ARHGAP8: variants seen among roughly 807,000 people sequenced by gnomAD.
The protein encoded by ARHGAP8 is Rho GTPase activating protein 8.
ARHGAP8 carries 62 observed loss-of-function variants against 46.1 expected under a neutral mutation model. The observed-to-expected ratio is 1.34, with a 90% CI of 1.10 to 1.66. The LOEUF (loss-of-function observed/expected upper bound fraction) is 1.66. Ranked by LOEUF, ARHGAP8 falls within the 40% of genes most tolerant of loss-of-function variation. The pLI is 0.00. For synonymous variants in ARHGAP8, 375 were observed against 243.1 expected (o/e 1.54, Z -5.05); for missense variants, 923 against 568.4 (o/e 1.62, Z -6.34).
At chr22:44,769,210 T>C (rs934430880) in intron 1 of ARHGAP8, among the ~76,000 whole-genome samples, 2 of 152,152 alleles carry the variant, frequency 1.3e-5, no homozygotes, top group African/African-American at 4.8e-5. Flanking sequence ...CTCCATCATC[T>C]TTCACCTGAG....
intron 11 of ARHGAP8, among the ~76,000 whole-genome samples, chr22:44,861,339 A>C (rs901668125): frequency 6.6e-6 from 1 of 152,140 alleles, no homozygotes; most frequent in Non-Finnish European, 1.5e-5. Context: ...CACCGATGTG[A>C]ATGCACCTGG....
intron 3 of ARHGAP8, among the ~76,000 whole-genome samples, chr22:44,807,639 C>T (rs145485124): frequency 9.9e-5 from 15 of 152,260 alleles, no homozygotes; most frequent in East Asian, 3.9e-4. Context: ...CCGGGGCTGC[C>T]GTAACCATGA....
At chr22:44,861,374 AC>A (rs1429664461) in intron 11 of ARHGAP8, among the ~76,000 whole-genome samples, 2 of 151,936 alleles carry the variant, frequency 1.3e-5, no homozygotes, top group Non-Finnish European at 2.9e-5. Context: ...GCGTGTTATC[AC>A]CCCAGTGGCA....
At chr22:44,773,076 A>G (rs970159272) in intron 1 of ARHGAP8, among the ~76,000 whole-genome samples, 6 of 152,080 alleles carry the variant, frequency 3.9e-5, no homozygotes, top group Non-Finnish European at 8.8e-5. Context: ...TTGGCCTCCC[A>G]AAGTGCTGGG....
chr22:44,793,988 A>G (rs1927894486), intron 2 of ARHGAP8, among the ~76,000 whole-genome samples: 1 of 152,170 alleles, frequency 6.6e-6, no homozygotes, highest in Non-Finnish European at 1.5e-5. Context: ...AGACCGAGGG[A>G]GCGAGGGAGG....
chr22:44,830,263 A>G (rs1202067691), intron 7 of ARHGAP8, among the ~76,000 whole-genome samples: 1 of 151,938 alleles, frequency 6.6e-6, no homozygotes, highest in Non-Finnish European at 1.5e-5. Context: ...ACCTCAGGTG[A>G]TCCACCCGCC....
chr22:44,835,231 C>CTATATATATA (rs71188491), intron 7 of ARHGAP8, among the ~76,000 whole-genome samples: 63 of 146,936 alleles, frequency 4.3e-4, no homozygotes, highest in African/African-American at 1.3e-3. Context: ...GTTTCTTTTG[C>CTATATATATA]TATATATATA....
chr22:44,846,020 C>T (rs1043194720), intron 8 of ARHGAP8, among the ~76,000 whole-genome samples: 28 of 149,282 alleles, frequency 1.9e-4, no homozygotes, highest in African/African-American at 6.5e-4. Flanking sequence ...TGCCCCCCCC[C>T]ATCCCCACCA....
chr22:44,840,124 T>G (rs140456607), intron 7 of ARHGAP8, among the ~76,000 whole-genome samples: 448 of 152,324 alleles, frequency 2.9e-3, no homozygotes, highest in African/African-American at 0.01. Flanking sequence ...TCAGGCTCTT[T>G]AGGACAGGAG....
Position 44,845,483 on chromosome 22 carries a change from C to T in ARHGAP8, c.670+141C>T, listed in dbSNP as rs1360242705. 3.5e-5 allele frequency: 40 copies of T among 1,145,468 alleles called. No individual in the cohort carries two copies. In the Admixed American group the frequency reaches 9.5e-4, roughly 27 times the overall value. 71.0% of individuals were successfully genotyped at this position (1,145,468 alleles called of 1,614,324 possible). On this transcript the variant is annotated intron_variant, in intron 8 of 11. Coordinates refer to ENST00000356099, the MANE Select transcript of ARHGAP8 (RefSeq NM_181335.3). Reference sequence around the variant, plus strand: ...GGGCTCAAGCACAGTGGCTCCAGGTCTGGGCTCTGGCCTCGGATGGTCTGG... The same window carrying T: ...GGGCTCAAGCACAGTGGCTCCAGGTTTGGGCTCTGGCCTCGGATGGTCTGG...
intron 4 of ARHGAP8, among the ~76,000 whole-genome samples, chr22:44,810,851 CTG>C (rs1167019145): frequency 2.0e-5 from 3 of 152,078 alleles, no homozygotes; most frequent in African/African-American, 7.2e-5. Flanking sequence ...GGATGCTGGA[CTG>C]TGTTTAAGAG....
intron 11 of ARHGAP8, among the ~76,000 whole-genome samples, chr22:44,860,588 ACAGT>A (rs1312978096): frequency 6.6e-6 from 1 of 151,930 alleles, no homozygotes; most frequent in African/African-American, 2.4e-5. Context: ...AAATAAGGTC[ACAGT>A]CAGATTCTCT....
chr22:44,854,484 C>G (rs1381816217), intron 10 of ARHGAP8, among the ~76,000 whole-genome samples: 1 of 152,030 alleles, frequency 6.6e-6, no homozygotes, highest in Non-Finnish European at 1.5e-5. Context: ...CCACCCACCT[C>G]AACCTCCTAA....
At chr22:44,779,805 T>G (rs132493) in intron 1 of ARHGAP8, among the ~76,000 whole-genome samples, 132,739 of 151,884 alleles carry the variant, frequency 0.87, 58,062 homozygotes, top group Non-Finnish European at 0.89. Flanking sequence ...CTGACCCCGG[T>G]TGATCCACCT....
At chr22:44,795,534 C>T (rs1928019361) in intron 2 of ARHGAP8, among the ~76,000 whole-genome samples, 2 of 152,120 alleles carry the variant, frequency 1.3e-5, no homozygotes, top group South Asian at 2.1e-4. Flanking sequence ...CTACCCCAGA[C>T]AGCACAAAGC....
At chr22:44,797,760 G>T (rs1285456591) in intron 2 of ARHGAP8, among the ~76,000 whole-genome samples, 1 of 152,172 alleles carries the variant, frequency 6.6e-6, no homozygotes, top group African/African-American at 2.4e-5. Context: ...GCGCGCGTGT[G>T]TGTGCGCTCA....
intron 4 of ARHGAP8, among the ~76,000 whole-genome samples, chr22:44,813,716 C>T (rs1241798198): frequency 6.9e-6 from 1 of 143,908 alleles, no homozygotes; most frequent in African/African-American, 2.6e-5. Flanking sequence ...CACCTACACA[C>T]ACTTTCATAC....
chr22:44,767,982 G>GTTTTTTTTTTT (rs1569134963), intron 1 of ARHGAP8, among the ~76,000 whole-genome samples: 1 of 69,756 alleles, frequency 1.4e-5, no homozygotes, highest in Admixed American at 2.0e-4. Flanking sequence ...CCCGCATGAT[G>GTTTTTTTTTTT]TCTTTTTTTT....
chr22:44,801,147 A>C (rs866329901), intron 2 of ARHGAP8, among the ~76,000 whole-genome samples: 1 of 17,938 alleles, frequency 5.6e-5, no homozygotes, highest in Non-Finnish European at 8.3e-5. Flanking sequence ...GTGTGGGGGC[A>C]CCTCTCCCCG....
Sources: gnomAD v4.1 joint callset for allele counts (sites outside exome capture counted in the v4.1 genomes callset) on GRCh38, gnomAD v4.1.1 for gene constraint, MANE v1.5 for transcripts, NCBI Gene and HGNC (gene_info 2026-07-23, HGNC 2026-07-21) for gene names.